The following FRMPD4 variants were observed in gnomAD, a reference collection of about 807,000 sequenced individuals.
FRMPD4 encodes FERM and PDZ domain containing 4.
FRMPD4 carries 22 observed loss-of-function variants against 94.1 expected under a neutral mutation model. That is an observed-to-expected ratio of 0.23 (90% CI 0.17 to 0.33). FRMPD4 has a LOEUF of 0.33. FRMPD4 is among the 10% of genes least tolerant of loss of function. The pLI is 1.00. For synonymous variants in FRMPD4, 631 were observed against 548.6 expected (o/e 1.15, Z -2.10); for missense variants, 1,111 against 1,339.9 (o/e 0.83, Z 2.67).
At chrX:12,311,867 GTTTTC>G (rs1356550297) in intron 1 of FRMPD4, among the ~76,000 whole-genome samples, 9 of 111,042 alleles carry the variant, frequency 8.1e-5, no homozygotes, top group Non-Finnish European at 1.3e-4. Context: ...TAATTTTTGT[GTTTTC>G]TTTTCATTTA....
chrX:12,631,884 T>C (rs1248194019), intron 4 of FRMPD4, among the ~76,000 whole-genome samples: 1 of 112,070 alleles, frequency 8.9e-6, no homozygotes, highest in Non-Finnish European at 1.9e-5. Flanking sequence ...TTCAAATTAC[T>C]ATTCTGGAAT....
In FRMPD4 at chrX:12,064,798, T is replaced by C. The variant is rs17281271; in HGVS notation, c.95+186780T>C. Among the ~76,000 whole-genome samples the C allele has an allele frequency of 3.2e-4, 36 of 112,104 alleles. No homozygotes were observed. The East Asian group carries it at 6.4e-3, about 20-fold the overall frequency. ...TTATTCTGGAGCTTTATACAGTAAT[T>C]AGTTGAGCTCCAAAACAATTGAAAA... On this transcript the variant is annotated intron_variant, in intron 3 of 18. Coordinates refer to the FRMPD4 transcript ENST00000640291.
chrX:12,667,461 T>C (rs2059791395), intron 4 of FRMPD4, among the ~76,000 whole-genome samples: 1 of 112,379 alleles, frequency 8.9e-6, no homozygotes, highest in African/African-American at 3.2e-5. Flanking sequence ...AAAGAAAATA[T>C]ACATTAGCAC....
At chrX:12,131,011 C>T (rs1259316773) in intron 3 of FRMPD4, among the ~76,000 whole-genome samples, 3 of 111,880 alleles carry the variant, frequency 2.7e-5, no homozygotes, top group South Asian at 3.7e-4. Context: ...ACCTCCTCCC[C>T]GTGCCTCTCC....
intron 3 of FRMPD4, among the ~76,000 whole-genome samples, chrX:12,081,437 C>G (rs2055061101): frequency 9.0e-6 from 1 of 110,882 alleles, no homozygotes; most frequent in African/African-American, 3.3e-5. Context: ...TGTCATGACT[C>G]GATGTTTCTC....
chrX:12,265,693 T>TGTAGCC (rs2054260973), intron 1 of FRMPD4, among the ~76,000 whole-genome samples: 1 of 110,786 alleles, frequency 9.0e-6, no homozygotes, highest in Non-Finnish European at 1.9e-5. Context: ...CCAATAATAC[T>TGTAGCC]GTAGCCCTTT....
chrX:12,326,607 G>C (rs774519557), intron 1 of FRMPD4, among the ~76,000 whole-genome samples: 3 of 111,758 alleles, frequency 2.7e-5, no homozygotes, highest in African/African-American at 9.8e-5. Flanking sequence ...GGTGTTGTCA[G>C]GGCAGCTACA....
chrX:12,058,025 G>T (rs991523290), intron 3 of FRMPD4, among the ~76,000 whole-genome samples: 4 of 111,284 alleles, frequency 3.6e-5, no homozygotes, highest in African/African-American at 1.3e-4. Flanking sequence ...TTTCAGAGGG[G>T]AAGGGAGATG....
intron 1 of FRMPD4, among the ~76,000 whole-genome samples, chrX:12,213,633 A>C (rs889302013): frequency 8.9e-6 from 1 of 112,023 alleles, no homozygotes; most frequent in Non-Finnish European, 1.9e-5. Context: ...TTCTTGATGC[A>C]TGAGAAGTAA....
intron 1 of FRMPD4, among the ~76,000 whole-genome samples, chrX:12,432,562 G>C (rs1487974436): frequency 9.0e-6 from 1 of 111,609 alleles, no homozygotes; most frequent in Non-Finnish European, 1.9e-5. Context: ...GAAGGTTGTT[G>C]GACTGAGGGG....
intron 1 of FRMPD4, among the ~76,000 whole-genome samples, chrX:12,245,783 C>T (rs148651050): frequency 1.3e-3 from 142 of 110,776 alleles, no homozygotes; most frequent in Admixed American, 0.011. Context: ...CAGCCTATTC[C>T]TCTCTTTCAC....
At chrX:12,538,900 C>T (rs1235508685) in intron 2 of FRMPD4, among the ~76,000 whole-genome samples, 1 of 112,187 alleles carries the variant, frequency 8.9e-6, no homozygotes, top group Admixed American at 9.4e-5. Flanking sequence ...CAGAGCGACT[C>T]TCCCCCTCCA....
At chrX:12,472,633 G>A (rs762943301) in intron 1 of FRMPD4, among the ~76,000 whole-genome samples, 72 of 111,936 alleles carry the variant, frequency 6.4e-4, no homozygotes, top group African/African-American at 1.9e-3. Context: ...CTGATGGAGC[G>A]GAAAACCATG....
At chrX:11,838,684 T>C (rs1391582647) in intron 1 of FRMPD4, among the ~76,000 whole-genome samples, 1 of 111,404 alleles carries the variant, frequency 9.0e-6, no homozygotes, top group Non-Finnish European at 1.9e-5. Flanking sequence ...ACTGATCTGC[T>C]TTCTATATCT....
chrX:12,627,572 T>G (rs1281689903), intron 4 of FRMPD4, among the ~76,000 whole-genome samples: 3 of 111,607 alleles, frequency 2.7e-5, no homozygotes, highest in African/African-American at 9.8e-5. Flanking sequence ...AAGGCTGAAG[T>G]AGAAAAAGGG....
chrX:12,345,878 A>G (rs1195825256), intron 1 of FRMPD4, among the ~76,000 whole-genome samples: 1 of 112,107 alleles, frequency 8.9e-6, no homozygotes, highest in East Asian at 2.8e-4. Flanking sequence ...CTCTGAATTC[A>G]TGAAAAGCAT....
chrX:11,969,502 A>G (rs898027881), intron 3 of FRMPD4, among the ~76,000 whole-genome samples: 4 of 112,254 alleles, frequency 3.6e-5, no homozygotes, highest in Admixed American at 9.4e-5. Context: ...AAAGAATCAT[A>G]TATATAAAGA....
intron 1 of FRMPD4, among the ~76,000 whole-genome samples, chrX:12,368,259 C>T (rs1310851479): frequency 8.9e-6 from 1 of 112,111 alleles, no homozygotes; most frequent in Non-Finnish European, 1.9e-5. Context: ...AAACCAGTGA[C>T]ACTGCAGCCC....
chrX:12,378,466 C>T (rs1023210829), intron 1 of FRMPD4, among the ~76,000 whole-genome samples: 5 of 112,609 alleles, frequency 4.4e-5, no homozygotes, highest in African/African-American at 1.6e-4. Context: ...GCCTATTCAT[C>T]CATACTGCAT....
Sources: gnomAD v4.1 joint callset for allele counts (sites outside exome capture counted in the v4.1 genomes callset) on GRCh38, gnomAD v4.1.1 for gene constraint, MANE v1.5 for transcripts, NCBI Gene and HGNC (gene_info 2026-07-23, HGNC 2026-07-21) for gene names.